Variants in GALNT14 observed in about 807,000 individuals in gnomAD.
The protein encoded by GALNT14 is UDP-GalNAc:polypeptide N-acetylgalactosaminyltransferase 14.
A neutral mutation model predicts 77.5 loss-of-function variants in GALNT14; 60 were observed. That is an observed-to-expected ratio of 0.77 (90% CI 0.63 to 0.96). GALNT14 has a LOEUF of 0.96. GALNT14 is among the 40% of genes least tolerant of loss of function. GALNT14 has a pLI of 0.00. For missense variants in GALNT14, 710 were observed against 731.0 expected (o/e 0.97, Z 0.33); for synonymous variants, 280 against 281.7 (o/e 0.99, Z 0.06).
chr2:31,017,826 G>A (rs1196374398), intron 1 of GALNT14, among the ~76,000 whole-genome samples: 1 of 152,228 alleles, frequency 6.6e-6, no homozygotes, highest in Non-Finnish European at 1.5e-5. Context: ...CAGGGAAAAG[G>A]GGATTTAATG....
chr2:30,909,297 C>T (rs1256772438), downstream of GALNT14, among the ~76,000 whole-genome samples: 19 of 150,014 alleles, frequency 1.3e-4, no homozygotes, highest in East Asian at 2.0e-4. Flanking sequence ...AGAAAATTTT[C>T]GCAACCTACT....
chr2:30,887,092 T>C, the GALNT14 span, among the ~76,000 whole-genome samples: 3 of 152,260 alleles, frequency 2.0e-5, no homozygotes, highest in South Asian at 2.1e-4. Flanking sequence ...TTTCATTTTA[T>C]GTATACACCA....
intron 1 of GALNT14, among the ~76,000 whole-genome samples, chr2:31,026,396 C>T (rs1672058984): frequency 1.3e-5 from 2 of 152,190 alleles, no homozygotes; most frequent in South Asian, 2.1e-4. Context: ...GTCTCCCTTA[C>T]ACCCTCCTGT....
At chr2:30,888,376 TG>T in the GALNT14 span, among the ~76,000 whole-genome samples, 2 of 152,230 alleles carry the variant, frequency 1.3e-5, no homozygotes, top group Admixed American at 6.5e-5. Flanking sequence ...AATAGTGTGA[TG>T]TTTTGTGCCT....
intron 9 of GALNT14, among the ~76,000 whole-genome samples, chr2:30,938,308 T>TACACACACAC (rs10623006): frequency 1.4e-5 from 2 of 142,712 alleles, no homozygotes; most frequent in Non-Finnish European, 3.1e-5. Flanking sequence ...ACATACACCC[T>TACACACACAC]ACACACACAC....
In GALNT14 at chr2:31,013,784, G is replaced by A. The variant is rs565917793; in HGVS notation, c.130-20777C>T. Among the ~76,000 whole-genome samples, 204 of 152,118 alleles carry A rather than the reference G, an allele frequency of 1.3e-3. 1 individual carries two copies. Among genetic ancestry groups the A allele is most frequent in the Non-Finnish European group, 2.5e-3 (171 of 68,038 alleles). ...CCCACATGCAGTCAATGAAGAGGTGGTTCAAAATAAAAAACCCAAGAATGG... is the reference window on the plus strand; with the variant it reads ...CCCACATGCAGTCAATGAAGAGGTGATTCAAAATAAAAAACCCAAGAATGG... On this transcript the variant is annotated intron_variant, in intron 1 of 14. Transcript: ENST00000349752.
At chr2:30,954,443 C>G (rs141224930) in intron 6 of GALNT14, among the ~76,000 whole-genome samples, 2 of 152,252 alleles carry the variant, frequency 1.3e-5, no homozygotes, top group Non-Finnish European at 2.9e-5. Context: ...TCTCTGCAAC[C>G]TCTGCCTCCT....
At chr2:30,916,495 C>T (rs1387582033) in intron 13 of GALNT14, among the ~76,000 whole-genome samples, 1 of 152,230 alleles carries the variant, frequency 6.6e-6, no homozygotes, top group Non-Finnish European at 1.5e-5. Flanking sequence ...GCCCCCTCCA[C>T]TGGGATAGGC....
intron 1 of GALNT14, among the ~76,000 whole-genome samples, chr2:31,038,389 C>T (rs929927121): frequency 6.6e-6 from 1 of 151,936 alleles, no homozygotes. Context: ...CCACCGCACC[C>T]AGCATTACCA....
intron 1 of GALNT14, among the ~76,000 whole-genome samples, chr2:31,060,017 ATCCCTTTCCGC>A (rs1410067251): frequency 6.6e-6 from 1 of 152,150 alleles, no homozygotes; most frequent in African/African-American, 2.4e-5. Flanking sequence ...CACCATCTCA[ATCCCTTTCCGC>A]TCCCTGCACT....
At chr2:30,926,917 G>C (rs1290290589) in intron 11 of GALNT14, among the ~76,000 whole-genome samples, 1 of 152,236 alleles carries the variant, frequency 6.6e-6, no homozygotes, top group Admixed American at 6.5e-5. Flanking sequence ...CTGGGCACTG[G>C]AGGAATGGAA....
At chr2:31,104,004 G>T (rs537363711) in intron 1 of GALNT14, among the ~76,000 whole-genome samples, 22 of 152,230 alleles carry the variant, frequency 1.4e-4, no homozygotes, top group African/African-American at 5.1e-4. Context: ...GGCTAGAATG[G>T]ATATAAATCG....
intron 1 of GALNT14, among the ~76,000 whole-genome samples, chr2:31,052,513 C>G (rs1315791461): frequency 6.6e-6 from 1 of 152,202 alleles, no homozygotes; most frequent in African/African-American, 2.4e-5. Flanking sequence ...GGAAGCCTGG[C>G]CTCCTGCGGG....
intron 1 of GALNT14, among the ~76,000 whole-genome samples, chr2:31,122,745 T>C (rs1199627744): frequency 6.6e-6 from 1 of 152,232 alleles, no homozygotes; most frequent in Non-Finnish European, 1.5e-5. Context: ...TTTTGTTTTC[T>C]ATAAAAATAT....
At chr2:30,923,696 G>C (rs577179820) in intron 13 of GALNT14, among the ~76,000 whole-genome samples, 265 of 152,240 alleles carry the variant, frequency 1.7e-3, no homozygotes, top group African/African-American at 6.1e-3. Flanking sequence ...GACTCACAGA[G>C]CAGGCATTCC....
chr2:31,031,089 G>A (rs17010595), intron 1 of GALNT14, among the ~76,000 whole-genome samples: 4,490 of 152,176 alleles, frequency 0.03, 217 homozygotes, highest in African/African-American at 0.1. Flanking sequence ...CTGTAATGGC[G>A]ATCACCATGT....
intron 1 of GALNT14, among the ~76,000 whole-genome samples, chr2:30,998,551 G>A (rs1320679571): frequency 6.6e-6 from 1 of 152,182 alleles, no homozygotes; most frequent in Non-Finnish European, 1.5e-5. Context: ...GTCTGATCCT[G>A]AAGAGAACGT....
At chr2:31,018,458 G>T (rs1398975041) in intron 1 of GALNT14, among the ~76,000 whole-genome samples, 1 of 152,138 alleles carries the variant, frequency 6.6e-6, no homozygotes, top group East Asian at 1.9e-4. Context: ...GAGAGTGGTA[G>T]GCAAATGAGG....
intron 1 of GALNT14, among the ~76,000 whole-genome samples, chr2:31,090,083 G>C (rs1676653717): frequency 6.6e-6 from 1 of 152,238 alleles, no homozygotes; most frequent in African/African-American, 2.4e-5. Flanking sequence ...ATCCCCTCAA[G>C]GGCTCCGATC....
Sources: allele counts gnomAD v4.1 joint callset (sites outside exome capture counted in the v4.1 genomes callset), GRCh38; gene constraint gnomAD v4.1.1; transcripts MANE v1.5; gene names NCBI Gene and HGNC (gene_info 2026-07-23, HGNC 2026-07-21).